EXOG: variants seen among roughly 807,000 people sequenced by gnomAD.
The protein encoded by EXOG is exo/endonuclease G, also known as nuclease EXOG, mitochondrial.
A neutral mutation model predicts 25.8 loss-of-function variants in EXOG; 27 were observed. The observed-to-expected ratio is 1.05, with a 90% CI of 0.77 to 1.45. EXOG has a LOEUF of 1.45. Among genes scored for constraint, EXOG ranks in the 40% most tolerant of loss-of-function variants. The probability of loss-of-function intolerance (pLI) is 0.00; values close to 1 mark genes in which losing one functional copy is unlikely to be tolerated. For synonymous variants in EXOG, 133 were observed against 167.0 expected, an observed-to-expected ratio of 0.80 and a Z score of 1.57; for missense variants, 458 against 450.5, an observed-to-expected ratio of 1.02 and a Z score of -0.15.
At chr3:38,509,609 T>TG (rs1447153665) in intron 5 of EXOG, among the ~76,000 whole-genome samples, 4 of 152,034 alleles carry the variant, frequency 2.6e-5, no homozygotes, top group African/African-American at 9.7e-5. Context: ...ATTTAAGGGG[T>TG]GGTACAGGGA....
chr3:38,502,491 A>T (rs1476572032), intron 3 of EXOG, among the ~76,000 whole-genome samples: 1 of 152,212 alleles, frequency 6.6e-6, no homozygotes, highest in Non-Finnish European at 1.5e-5. Flanking sequence ...ACATATACAT[A>T]TGTAAATTCT....
At chr3:38,501,265 C>T in intron 2 of EXOG, 90 bp from the exon 3 acceptor site, 1 of 1,069,026 alleles carries the variant, frequency 9.4e-7, no homozygotes, top group Non-Finnish European at 1.4e-6. Flanking sequence ...GGAGAGACAC[C>T]AGCCAGTAGC....
At chr3:38,503,960 C>T (rs1294650427) in intron 4 of EXOG, among the ~76,000 whole-genome samples, 1 of 152,170 alleles carries the variant, frequency 6.6e-6, no homozygotes, top group African/African-American at 2.4e-5. Context: ...AAATAATAAT[C>T]TTAATAATTG....
intron 1 of EXOG, 23 bp from the exon 2 acceptor site, chr3:38,497,606 T>A: frequency 6.0e-6 from 2 of 334,658 alleles, no homozygotes; most frequent in Non-Finnish European, 7.2e-6. Context: ...TGCCCCCCCT[T>A]TTTTTTTTTT....
At position 38,525,772 on chromosome 3, in the gene EXOG, A is replaced by G. The variant is rs1195857982; in HGVS notation, c.*1410A>G. 2 of 438,068 alleles carry G rather than the reference A, an allele frequency of 4.6e-6. No individual in the cohort carries two copies. Among genetic ancestry groups the G allele is most frequent in the Non-Finnish European group, 3.0e-6 (1 of 329,916 alleles). 27.1% of individuals were successfully genotyped at this position (438,068 alleles called of 1,614,324 possible). ...AGCCTGGGCAACATAATGAAACCCTATCTTTACAAAAAAATACAAAAATTA... is the reference window on the plus strand; with the variant it reads ...AGCCTGGGCAACATAATGAAACCCTGTCTTTACAAAAAAATACAAAAATTA... On this transcript the variant is annotated 3_prime_UTR_variant, in exon 6 of 6. Transcript: ENST00000287675.
rs1440269707 is a variant in EXOG at position 38,515,856 on chromosome 3, T to C, written c.646-8045T>C. 5 of 152,580 alleles carry C rather than the reference T, an allele frequency of 3.3e-5. No individual in the cohort carries two copies. The East Asian group carries it at 9.6e-4, about 29-fold the overall frequency. 9.5% of individuals were successfully genotyped at this position (152,580 alleles called of 1,614,324 possible). A position where few individuals can be genotyped will look rare whatever the true frequency, so the allele number is the denominator to read the frequency against. On this transcript the variant is annotated intron_variant, in intron 5 of 5. Transcript: ENST00000287675. The stretch of plus-strand genomic sequence containing the variant: ...GGGCTGTAGAAAAAGAGACCCATTC[T>C]TTTAGAGAGTATTTTTCTAGCCTCA...
chr3:38,512,230 TA>T (rs1334401639), intron 5 of EXOG, among the ~76,000 whole-genome samples: 26 of 152,212 alleles, frequency 1.7e-4, no homozygotes, highest in Admixed American at 1.7e-3. Context: ...TCCTTGAAAT[TA>T]AACTTGAAAA....
At chr3:38,497,110 T>C in intron 1 of EXOG, 1 of 1,008,978 alleles carries the variant, frequency 9.9e-7, no homozygotes, top group Non-Finnish European at 1.2e-6. Flanking sequence ...AGCTCATTTC[T>C]TGTACTTTGC....
At chr3:38,519,276 G>A (rs1338685847) in intron 5 of EXOG, 1 of 152,184 alleles carries the variant, frequency 6.6e-6, no homozygotes, top group African/African-American at 2.4e-5. Context: ...GGTCATCCCT[G>A]TGCTTTCTCT....
Position 38,503,624 on chromosome 3 carries a change from G to A in EXOG, c.463G>A (p.Ala155Thr). 1 of 1,596,150 alleles carries A rather than the reference G, an allele frequency of 6.3e-7. No individual in the cohort carries two copies. The highest frequency in any genetic ancestry group is 8.6e-7 in the Non-Finnish European group (1 of 1,164,450). Residue 155 changes from alanine (A) to threonine (T), a missense_variant, in exon 4 of 6, where the codon GCT becomes ACT. Physicochemically the swap from Ala to Thr is moderately conservative, Grantham distance 58. Around this residue, in one of 3 missense-constraint regions of EXOG, gnomAD observed 275 missense variants for 230.5 expected, o/e 1.19. Transcript: ENST00000287675. ...GTTTCTTTCTTTACAGAAAGCCATG[G>A]CTGAAACCTTTTACCTTTCTAACAT... Reference protein sequence around the residue: ...GNNKFSSKAMAETFYLSNIVP... With the variant: ...GNNKFSSKAMTETFYLSNIVP...
At chr3:38,508,820 G>A (rs2060283832) in intron 5 of EXOG, among the ~76,000 whole-genome samples, 1 of 151,690 alleles carries the variant, frequency 6.6e-6, no homozygotes, top group Non-Finnish European at 1.5e-5. Flanking sequence ...AGCATCCAAG[G>A]ATTTGTATAG....
At chr3:38,514,761 T>TCCCCCCCCCC (rs3831840) in intron 5 of EXOG, among the ~76,000 whole-genome samples, 2 of 82,034 alleles carry the variant, frequency 2.4e-5, no homozygotes, top group Admixed American at 1.3e-4. Flanking sequence ...TTTTCCACCC[T>TCCCCCCCCCC]CCCCCCCCTC....
At chr3:38,499,880 G>A (rs998123723) in intron 2 of EXOG, 8 of 351,316 alleles carry the variant, frequency 2.3e-5, no homozygotes, top group East Asian at 7.7e-5. Flanking sequence ...AGAGGTAAGC[G>A]CAGTCTTGGC....
intron 5 of EXOG, chr3:38,515,552 CGAA>C (rs1196167781): frequency 5.2e-6 from 1 of 191,202 alleles, no homozygotes; most frequent in East Asian, 1.3e-4. Flanking sequence ...GTGAGGAACT[CGAA>C]GAAGTGGGTG....
At chr3:38,502,027 A>G (rs1256561948) in intron 3 of EXOG, among the ~76,000 whole-genome samples, 2 of 151,586 alleles carry the variant, frequency 1.3e-5, no homozygotes, top group Non-Finnish European at 2.9e-5. Context: ...GGTTCAAGTG[A>G]TTCTCCTGCC....
At chr3:38,512,009 T>C (rs1029155133) in intron 5 of EXOG, among the ~76,000 whole-genome samples, 2 of 152,214 alleles carry the variant, frequency 1.3e-5, no homozygotes, top group African/African-American at 4.8e-5. Context: ...CTTTTTTACT[T>C]CTCCTTTCTT....
chr3:38,522,774 G>T (rs1332682078), intron 5 of EXOG, among the ~76,000 whole-genome samples: 1 of 152,212 alleles, frequency 6.6e-6, no homozygotes, highest in African/African-American at 2.4e-5. Flanking sequence ...AAAGTGCTGG[G>T]ATTACAGGCA....
intron 1 of EXOG, 57 bp from the exon 2 acceptor site, chr3:38,497,572 G>C: frequency 6.8e-7 from 1 of 1,472,662 alleles, no homozygotes; most frequent in Non-Finnish European, 9.0e-7. Flanking sequence ...GCCACTAATT[G>C]TGTGTGTGTG....
At chr3:38,523,509 G>T (rs1162296412) in intron 5 of EXOG, 1 of 164,196 alleles carries the variant, frequency 6.1e-6, no homozygotes, top group Non-Finnish European at 1.3e-5. Context: ...GATTACAGGC[G>T]CCTGCCACCA....
Sources: allele counts gnomAD v4.1 joint callset (sites outside exome capture counted in the v4.1 genomes callset), GRCh38; gene constraint gnomAD v4.1.1; regional missense constraint gnomAD v4.1.1; transcripts MANE v1.5; gene names NCBI Gene and HGNC (gene_info 2026-07-23, HGNC 2026-07-21).